The following LAMB1 variants were observed in gnomAD, a reference collection of about 807,000 sequenced individuals.
The protein encoded by LAMB1 is laminin subunit beta-1.
In LAMB1, 121 loss-of-function variants were observed where a neutral mutation model predicts 222.3. The observed-to-expected ratio is 0.54, with a 90% CI of 0.47 to 0.63. The LOEUF is 0.63. Among genes scored for constraint, LAMB1 ranks in the 30% least tolerant of loss-of-function variants. LAMB1 has a pLI of 0.00. For synonymous variants in LAMB1, 794 were observed against 807.2 expected, an observed-to-expected ratio of 0.98 and a Z score of 0.28; for missense variants, 2,172 against 2,240.8, an observed-to-expected ratio of 0.97 and a Z score of 0.62.
chr7:107,982,984 T>G (rs2150444459), intron 7 of LAMB1, among the ~76,000 whole-genome samples: 1 of 152,300 alleles, frequency 6.6e-6, no homozygotes, highest in South Asian at 2.1e-4. Context: ...GAGCAGATGG[T>G]TGAGTCCTTT....
intron 24 of LAMB1, among the ~76,000 whole-genome samples, chr7:107,949,799 A>C (rs562796898): frequency 1.7e-4 from 26 of 152,320 alleles, no homozygotes; most frequent in African/African-American, 5.8e-4. Context: ...TAAGGAACAC[A>C]TGGGTTTGCA....
chr7:107,969,287 CA>C (rs367658684), intron 13 of LAMB1, among the ~76,000 whole-genome samples: 11,182 of 85,794 alleles, frequency 0.13, 780 homozygotes, highest in African/African-American at 0.29. Flanking sequence ...GACTCCGTCT[CA>C]AAAAAAAAAA....
At chr7:107,942,661 A>C (rs894516163) in intron 24 of LAMB1, 1 of 152,228 alleles carries the variant, frequency 6.6e-6, no homozygotes, top group African/African-American at 2.4e-5. Context: ...GACTGCTTTC[A>C]AGATAAAATA....
chr7:107,953,186 G>A lies in LAMB1; in HGVS notation c.3079+344C>T, dbSNP rs564168924. 6.6e-4 allele frequency among the ~76,000 whole-genome samples: 101 copies of A among 152,128 alleles called. 1 individual carries two copies. The highest frequency in any genetic ancestry group is 1.1e-3 in the Non-Finnish European group (78 of 67,988). ...AACCTGACCAACATGGTGAAACCCC[G>A]TCTCTATTAAAAATACAAAAATTAC... On this transcript the variant is annotated intron_variant, in intron 22 of 33. Coordinates refer to ENST00000222399, the MANE Select transcript of LAMB1 (RefSeq NM_002291.3).
intron 5 of LAMB1, among the ~76,000 whole-genome samples, chr7:107,993,766 C>T (rs187456491): frequency 1.4e-3 from 207 of 152,308 alleles, no homozygotes; most frequent in Non-Finnish European, 2.1e-3. Context: ...AAGGGACAAG[C>T]GGTTGGTGAC....
chr7:107,970,126 A>G (rs1055043018), intron 13 of LAMB1, among the ~76,000 whole-genome samples: 3 of 152,300 alleles, frequency 2.0e-5, no homozygotes, highest in Non-Finnish European at 2.9e-5. Context: ...AGAGCAAAAT[A>G]AATGCTAAAA....
chr7:107,985,138 T>C (rs1486256544), intron 7 of LAMB1, among the ~76,000 whole-genome samples: 1 of 152,224 alleles, frequency 6.6e-6, no homozygotes, highest in Non-Finnish European at 1.5e-5. Context: ...ATCAATCTTA[T>C]ATCGGATGTA....
intron 29 of LAMB1, 106 bp from the exon 30 acceptor site, chr7:107,929,725 C>G: frequency 1.2e-6 from 1 of 807,794 alleles, no homozygotes; most frequent in South Asian, 1.6e-5. Flanking sequence ...TGGGGTTACA[C>G]ACCAAGAGAC....
chr7:107,934,784 A>G (rs2116335233), intron 27 of LAMB1, among the ~76,000 whole-genome samples: 1 of 152,178 alleles, frequency 6.6e-6, no homozygotes, highest in Admixed American at 6.5e-5. Flanking sequence ...GGAATGTCCA[A>G]GCTGGGTGTG....
In LAMB1 at chr7:107,980,715, T is replaced by C; in HGVS notation, c.773A>G (p.Tyr258Cys). 1 of 1,613,498 alleles carries C rather than the reference T, an allele frequency of 6.2e-7. No homozygotes were observed. The highest frequency in any genetic ancestry group is 8.5e-7 in the Non-Finnish European group (1 of 1,179,404). ...LDSRMEIREK[Y>C]YYAVYDMVVR... The stretch of plus-strand genomic sequence containing the variant: ...CACCATATCATAAACTGCATAATAA[T>C]ACTTTTCTCTGATTTCCATCCTGGA... The change falls in exon 8 of 34, where the codon TAT becomes TGT. Residue 258 changes from tyrosine to cysteine, a missense_variant. Tyr to Cys is a radical substitution (Grantham distance 194). Coordinates refer to ENST00000222399, the MANE Select transcript of LAMB1 (RefSeq NM_002291.3).
Position 107,938,968 on chromosome 7 carries a change from G to T in LAMB1, c.3761+1021C>A, listed in dbSNP as rs2032914120. The stretch of plus-strand genomic sequence containing the variant: ...ACTCATGCCTGGTATGAGATGAAAA[G>T]TCCCTCTGGCTTCTTAAAGGTGCTG... On this transcript the variant is annotated intron_variant, in intron 25 of 33. Transcript: ENST00000222399. 2.0e-5 allele frequency among the ~76,000 whole-genome samples: 3 copies of T among 152,264 alleles called. No individual in the cohort carries two copies. In the South Asian group the frequency reaches 6.2e-4, roughly 32 times the overall value.
chr7:107,964,532 C>A lies in LAMB1; in HGVS notation c.1698+20G>T. 6.2e-7 allele frequency: 1 copy of A among 1,613,960 alleles called. No homozygotes were observed. Among genetic ancestry groups the A allele is most frequent in the Non-Finnish European group, 8.5e-7 (1 of 1,179,878 alleles). ...CCCAAAACACTGCTTTACCGACCTGCCACACACTCCCCTACTCACAGGCCC... is the reference window on the plus strand; with the variant it reads ...CCCAAAACACTGCTTTACCGACCTGACACACACTCCCCTACTCACAGGCCC... On this transcript the variant is annotated intron_variant, in intron 14 of 33. Coordinates refer to ENST00000222399, the MANE Select transcript of LAMB1 (RefSeq NM_002291.3).
chr7:107,947,278 A>G (rs961065942), intron 24 of LAMB1, among the ~76,000 whole-genome samples: 58 of 152,240 alleles, frequency 3.8e-4, no homozygotes, highest in African/African-American at 1.4e-3. Context: ...ATACTTAGCT[A>G]GGACTTAAAT....
chr7:107,962,997 C>G lies in LAMB1; in HGVS notation c.1765G>C (p.Val589Leu), dbSNP rs757265252. 3 of 1,614,014 alleles carry G rather than the reference C, an allele frequency of 1.9e-6. No homozygotes were observed. The highest frequency in any genetic ancestry group is 2.5e-6 in the Non-Finnish European group (3 of 1,179,954). ...AAATAAGCCCCTTCAGGCACTCGGA[C>G]GAAGCCGGCTCCAGTCCAGGAGGGA... ...RIPSWTGAGF[V>L]RVPEGAYLEF... The change falls in exon 15 of 34, where the codon GTC becomes CTC. Residue 589 changes from valine (V) to leucine (L), a missense_variant. Transcript: ENST00000222399.
In LAMB1 at chr7:107,973,031, C is replaced by T. The variant is rs371601447; in HGVS notation, c.1523G>A (p.Arg508Gln). Residue 508 changes from arginine to glutamine, a missense_variant, in exon 13 of 34, where the codon CGA becomes CAA. Arg to Gln is a conservative substitution (Grantham distance 43). Coordinates refer to ENST00000222399, the MANE Select transcript of LAMB1 (RefSeq NM_002291.3). ...TCCCCCAAGGTCACAGTCACATGGT[C>T]GACATCCATCCAAATCATTGCTTAA... ...WGLSNDLDGC[R>Q]PCDCDLGGAL... 8.7e-6 allele frequency: 14 copies of T among 1,613,976 alleles called. No homozygotes were observed. Among genetic ancestry groups the T allele is most frequent in the African/African-American group, 5.3e-5 (4 of 75,022 alleles).
intron 7 of LAMB1, 37 bp from the exon 8 acceptor site, chr7:107,980,848 G>C (rs1284678714): frequency 7.6e-7 from 1 of 1,321,170 alleles, no homozygotes; most frequent in African/African-American, 1.5e-5. Context: ...AGTCTGATCA[G>C]ACAAGCAAGA....
chr7:107,986,038 ATAAGGAT>A lies in LAMB1; in HGVS notation c.653_659del (p.Asp218ValfsTer9). 1 of 1,607,838 alleles carries A rather than the reference ATAAGGAT, an allele frequency of 6.2e-7. No individual in the cohort carries two copies. Among genetic ancestry groups the A allele is most frequent in the Non-Finnish European group, 8.5e-7 (1 of 1,174,196 alleles). On this transcript the variant is annotated frameshift_variant, in exon 7 of 34. Coordinates refer to ENST00000222399, the MANE Select transcript of LAMB1 (RefSeq NM_002291.3). LOFTEE classifies it high-confidence loss of function. ...TGAACTTACTCTGTATCCTTGGGCT[ATAAGGAT>A]CTTCTATTTTGAAAGCAGGATCTAA... is the stretch of plus-strand genomic sequence containing the variant.
chr7:107,976,560 C>T (rs2033860297), intron 9 of LAMB1, among the ~76,000 whole-genome samples: 1 of 152,124 alleles, frequency 6.6e-6, no homozygotes, highest in African/African-American at 2.4e-5. Context: ...TCAGCCTGGC[C>T]CTCCTGAGCC....
intron 13 of LAMB1, 83 bp downstream of exon 13, chr7:107,972,909 A>G: frequency 9.1e-7 from 1 of 1,094,726 alleles, no homozygotes; most frequent in Non-Finnish European, 1.4e-6. Flanking sequence ...TCTTTTTGAG[A>G]AACAACTGAA....
Sources: allele counts gnomAD v4.1 joint callset (sites outside exome capture counted in the v4.1 genomes callset), GRCh38; gene constraint gnomAD v4.1.1; transcripts MANE v1.5; gene names NCBI Gene and HGNC (gene_info 2026-07-23, HGNC 2026-07-21).